The following EPB41L1 variants were observed in gnomAD, a reference collection of about 807,000 sequenced individuals.
EPB41L1 encodes band 4.1-like protein 1.
In EPB41L1, 29 loss-of-function variants were observed where a neutral mutation model predicts 97.8. That is an observed-to-expected ratio of 0.30 (90% CI 0.22 to 0.40). The LOEUF is 0.40. Ranked by LOEUF, EPB41L1 falls within the 10% of genes least tolerant of loss-of-function variation. EPB41L1 has a pLI of 1.00. For synonymous variants in EPB41L1, 383 were observed against 459.2 expected (o/e 0.83, Z 2.12); for missense variants, 812 against 1,162.3 (o/e 0.70, Z 4.38).
chr20:36,182,440 C>T, intron 6 of EPB41L1, 93 bp downstream of exon 6: 1 of 1,397,980 alleles, frequency 7.2e-7, no homozygotes, highest in South Asian at 1.2e-5. Context: ...TATGTGACAG[C>T]AGCTGCAAAT....
At chr20:36,198,575 C>T (rs1214698600) in intron 14 of EPB41L1, among the ~76,000 whole-genome samples, 1 of 152,204 alleles carries the variant, frequency 6.6e-6, no homozygotes, top group Non-Finnish European at 1.5e-5. Context: ...AGAAATCAGA[C>T]CTGCTTCTGA....
intron 2 of EPB41L1, among the ~76,000 whole-genome samples, chr20:36,145,755 T>C: frequency 6.6e-6 from 1 of 152,238 alleles, no homozygotes; most frequent in East Asian, 1.9e-4. Context: ...CATGTGGCTA[T>C]GAGTTTTACA....
intron 14 of EPB41L1, chr20:36,208,361 C>A: frequency 2.2e-6 from 1 of 452,080 alleles, no homozygotes. Context: ...AGCCAACACC[C>A]CTGGGAAGGG....
chr20:36,096,918 C>T (rs1295894437), intron 1 of EPB41L1, among the ~76,000 whole-genome samples: 2 of 152,246 alleles, frequency 1.3e-5, no homozygotes, highest in African/African-American at 4.8e-5. Flanking sequence ...GTAATCCAAG[C>T]AGGCTTCAGC....
At chr20:36,144,378 T>G (rs1322716535) in intron 2 of EPB41L1, among the ~76,000 whole-genome samples, 1 of 152,196 alleles carries the variant, frequency 6.6e-6, no homozygotes, top group African/African-American at 2.4e-5. Context: ...AGTACCATTT[T>G]CCATACCCTC....
In EPB41L1 at chr20:36,163,457, G is replaced by A. The variant is rs147410889; in HGVS notation, c.-15+8561G>A. Among the ~76,000 whole-genome samples, 473 of 152,236 alleles carry A rather than the reference G, an allele frequency of 3.1e-3. 7 individuals are homozygous for A. The highest frequency in any genetic ancestry group is 0.011 in the African/African-American group (446 of 41,528). On this transcript the variant is annotated intron_variant, in intron 1 of 21. Coordinates refer to ENST00000338074, the MANE Select transcript of EPB41L1 (RefSeq NM_012156.2). ...CAAAGAGGTTAAGGGGCTTCCTGAC[G>A]GTTCCCTTGCCTTCCTTGACTTCTT...
rs184537005 is a variant in EPB41L1, at chr20:36,162,840, A to G, written c.-15+7944A>G. Among the ~76,000 whole-genome samples, 3 of 152,266 alleles carry G rather than the reference A, an allele frequency of 2.0e-5. No homozygotes were observed. In the East Asian group the frequency reaches 5.8e-4, roughly 29 times the overall value. ...TAAAGTGGTGTCCGTGGGTACTGCA[A>G]ACCTCTGACGAATTGCCGTCTCCCC... On this transcript the variant is annotated intron_variant, in intron 1 of 21. Coordinates refer to ENST00000338074, the MANE Select transcript of EPB41L1 (RefSeq NM_012156.2).
rs1601173955 is a variant in EPB41L1, at chr20:36,093,804, A to T, written c.-65+2192A>T. Among the ~76,000 whole-genome samples, 1 of 151,558 alleles carries T rather than the reference A, an allele frequency of 6.6e-6. No individual in the cohort carries two copies. The highest frequency in any genetic ancestry group is 6.6e-5 in the Admixed American group (1 of 15,242). ...AGGCTGGTGACCAGCCGGTTCAGGG[A>T]TTCATTTCCTGTTGTGGCCAGGGGA... On this transcript the variant is annotated intron_variant, in intron 1 of 19. Transcript: ENST00000202028. This position sits in a 1 kb window ranked among gnomAD's most constrained non-coding sequence, Gnocchi z 5.4.
intron 2 of EPB41L1, chr20:36,125,474 G>C (rs1204995194): frequency 4.2e-5 from 51 of 1,214,752 alleles, no homozygotes; most frequent in Non-Finnish European, 5.7e-5. Flanking sequence ...CAATGAGGTA[G>C]AACCTGCAAA....
At chr20:36,214,587 T>TGCC in intron 17 of EPB41L1, 147 bp downstream of exon 17, 1 of 716,940 alleles carries the variant, frequency 1.4e-6, no homozygotes, top group Non-Finnish European at 2.4e-6. Context: ...AGCTGTTTAT[T>TGCC]ATCTGGGGCT....
At chr20:36,182,176 T>G in intron 5 of EPB41L1, 96 bp from the exon 6 acceptor site, 1 of 1,025,534 alleles carries the variant, frequency 9.8e-7, no homozygotes, top group South Asian at 1.3e-5. Flanking sequence ...AGATTATACA[T>G]AGGAGAAACT....
rs78124845 is a variant in EPB41L1, at chr20:36,116,092, C to T, written c.-10+3612C>T. ...CAGCTATGTCCCCTAGAGGGGAATA[C>T]ATGTGTGCAGATGTGATTGTGACAC... On this transcript the variant is annotated intron_variant, in intron 2 of 19. Coordinates refer to the EPB41L1 transcript ENST00000202028. Among the ~76,000 whole-genome samples the T allele has an allele frequency of 4.7e-3, 720 of 152,274 alleles. 7 individuals are homozygous for T. The highest frequency in any genetic ancestry group is 0.017 in the African/African-American group (698 of 41,544).
chr20:36,157,721 C>A (rs901648518), intron 1 of EPB41L1, among the ~76,000 whole-genome samples: 3 of 152,158 alleles, frequency 2.0e-5, no homozygotes, highest in African/African-American at 7.2e-5. Context: ...GAAGGATTAG[C>A]CTTGGCCTTC....
At chr20:36,101,317 T>C (rs568541865) in intron 1 of EPB41L1, among the ~76,000 whole-genome samples, 4 of 152,186 alleles carry the variant, frequency 2.6e-5, no homozygotes, top group Admixed American at 1.3e-4. Context: ...TCACCCCATG[T>C]GCAGCCCGGG....
chr20:36,094,727 T>C (rs2057773714), intron 1 of EPB41L1, among the ~76,000 whole-genome samples: 1 of 152,194 alleles, frequency 6.6e-6, no homozygotes, highest in African/African-American at 2.4e-5. Flanking sequence ...TGGGGAAAGC[T>C]GAGCTTTCTG....
In EPB41L1 at chr20:36,201,522, C is replaced by T. The variant is rs193252079; in HGVS notation, c.1668+3481C>T. On this transcript the variant is annotated intron_variant, in intron 14 of 21. Transcript: ENST00000338074. Reference sequence around the variant, plus strand: ...GGTCTAGCAGTGGTTAGTTAGGGCACGACATTCCAGGCATCTCCGGCCTGC... The same window carrying T: ...GGTCTAGCAGTGGTTAGTTAGGGCATGACATTCCAGGCATCTCCGGCCTGC... 7.2e-5 allele frequency among the ~76,000 whole-genome samples: 11 copies of T among 152,300 alleles called. No individual in the cohort carries two copies. In the East Asian group the frequency reaches 1.5e-3, roughly 21 times the overall value.
In EPB41L1 at chr20:36,208,045, C is replaced by T. The variant is rs868263062; in HGVS notation, c.1669-1443C>T. Reference sequence around the variant, plus strand: ...GTGACCTGGTGCCCAGAGGGTCACACAACCCCCATGGAGAAGGTGGCGCCA... The same window carrying T: ...GTGACCTGGTGCCCAGAGGGTCACATAACCCCCATGGAGAAGGTGGCGCCA... On this transcript the variant is annotated intron_variant, in intron 14 of 21. Transcript: ENST00000338074. Among the ~76,000 whole-genome samples the T allele has an allele frequency of 3.9e-5, 6 of 152,338 alleles. 1 individual carries two copies. The Middle Eastern group carries it at 0.017, about 432-fold the overall frequency.
At chr20:36,225,393 T>C (rs1038877354) in intron 21 of EPB41L1, among the ~76,000 whole-genome samples, 2 of 152,158 alleles carry the variant, frequency 1.3e-5, no homozygotes, top group Admixed American at 6.5e-5. Context: ...TGGAGAACCC[T>C]CTCCATAAAG....
chr20:36,222,917 G>A lies in EPB41L1; in HGVS notation c.2637+523G>A, dbSNP rs1386750666. Reference sequence around the variant, plus strand: ...TGATTGCAATTTTTATATTTTTTGAGATGGAGTCTTGCTCTGTCACCCAGG... The same window carrying A: ...TGATTGCAATTTTTATATTTTTTGAAATGGAGTCTTGCTCTGTCACCCAGG... On this transcript the variant is annotated intron_variant, in intron 21 of 21. Transcript: ENST00000338074. 7.4e-4 allele frequency among the ~76,000 whole-genome samples: 113 copies of A among 152,226 alleles called. 1 individual carries two copies. Among genetic ancestry groups the A allele is most frequent in the African/African-American group, 2.6e-3 (106 of 41,522 alleles).
Sources: allele counts gnomAD v4.1 joint callset (sites outside exome capture counted in the v4.1 genomes callset), GRCh38; gene constraint gnomAD v4.1.1; non-coding constraint Gnocchi (gnomAD v3.1); transcripts MANE v1.5; gene names NCBI Gene and HGNC (gene_info 2026-07-23, HGNC 2026-07-21).